PTPRN2: variants seen among roughly 807,000 people sequenced by gnomAD.
PTPRN2 encodes receptor-type tyrosine-protein phosphatase N2.
Under a neutral mutation model 118.8 loss-of-function variants are expected in PTPRN2, and 74 were observed. The observed-to-expected ratio is 0.62, with a 90% CI of 0.52 to 0.76. The LOEUF (loss-of-function observed/expected upper bound fraction) is 0.76, where lower values mean the gene tolerates loss of function less well. Among genes scored for constraint, PTPRN2 ranks in the 30% least tolerant of loss-of-function variants. The pLI, the probability that PTPRN2 is intolerant of heterozygous loss-of-function variation, is 0.00. For missense variants in PTPRN2, 1,481 were observed against 1,394.4 expected (o/e 1.06, Z -0.99); for synonymous variants, 641 against 608.0 (o/e 1.05, Z -0.80).
intron 11 of PTPRN2, among the ~76,000 whole-genome samples, chr7:157,914,054 A>G (rs1798240789): frequency 1.3e-5 from 2 of 152,242 alleles, no homozygotes; most frequent in Admixed American, 6.5e-5. Context: ...ATATATGGCC[A>G]TAAATTGTTC....
intron 12 of PTPRN2, among the ~76,000 whole-genome samples, chr7:157,797,588 G>A (rs1009234175): frequency 5.9e-5 from 9 of 152,158 alleles, no homozygotes; most frequent in East Asian, 1.9e-4. Context: ...GACGGGAGGC[G>A]GCCACAGGCT....
chr7:158,538,976 G>A (rs1210801294), intron 1 of PTPRN2, among the ~76,000 whole-genome samples: 3 of 152,186 alleles, frequency 2.0e-5, no homozygotes, highest in African/African-American at 7.2e-5. Context: ...GAACCCCCCA[G>A]GGCTCAGCTC....
At chr7:157,613,849 C>A (rs914216844) in intron 15 of PTPRN2, among the ~76,000 whole-genome samples, 1 of 152,200 alleles carries the variant, frequency 6.6e-6, no homozygotes, top group East Asian at 1.9e-4. Context: ...TGCGGCCCCC[C>A]CACAGTGTGC....
In PTPRN2 at chr7:158,015,985, G is replaced by A. The variant is rs1328552698; in HGVS notation, c.1723+65313C>T. ...TGTGGGGTCCCAGTGTGTCACCTGC[G>A]TGGCCTTTTCAGGTTCTGGGGGCCT... On this transcript the variant is annotated intron_variant, in intron 11 of 22. Transcript: ENST00000389418. The surrounding 1 kb of genome is among the most constrained non-coding windows in gnomAD (Gnocchi z 4.2). Among the ~76,000 whole-genome samples the A allele has an allele frequency of 1.3e-5, 2 of 152,164 alleles. No homozygotes were observed.
chr7:158,066,296 T>C (rs1810768977), intron 11 of PTPRN2, among the ~76,000 whole-genome samples: 1 of 152,236 alleles, frequency 6.6e-6, no homozygotes, highest in African/African-American at 2.4e-5. Context: ...AGGCCTTCTC[T>C]GCAAACAGCC....
chr7:158,070,967 CACGGTGGAGGTGCCCGTG>C (rs1563388708), intron 11 of PTPRN2, among the ~76,000 whole-genome samples: 6 of 37,098 alleles, frequency 1.6e-4, no homozygotes, highest in Non-Finnish European at 2.4e-4. Context: ...TGGAGGTGCT[CACGGTGGAGGTGCCCGTG>C]GTGGTGGAGG....
chr7:157,951,083 C>T (rs1041707047), intron 11 of PTPRN2, among the ~76,000 whole-genome samples: 8 of 152,160 alleles, frequency 5.3e-5, no homozygotes, highest in Non-Finnish European at 1.0e-4. Context: ...CTTGAGAGCA[C>T]GTACTCCTGG....
chr7:158,521,371 C>T (rs932915272), intron 1 of PTPRN2, among the ~76,000 whole-genome samples: 6 of 152,194 alleles, frequency 3.9e-5, no homozygotes, highest in Non-Finnish European at 8.8e-5. Context: ...TGTCTGGCTT[C>T]CCAACAGGGT....
chr7:158,481,898 C>G (rs76824453), intron 2 of PTPRN2, among the ~76,000 whole-genome samples: 2 of 152,148 alleles, frequency 1.3e-5, no homozygotes, highest in Non-Finnish European at 2.9e-5. Context: ...AGAACACTTG[C>G]GATTCATGGA....
At chr7:157,971,208 G>T (rs150623019) in intron 11 of PTPRN2, among the ~76,000 whole-genome samples, 2 of 152,230 alleles carry the variant, frequency 1.3e-5, no homozygotes, top group East Asian at 3.9e-4. Flanking sequence ...ATTTGTACTT[G>T]TACTGAATAT....
intron 21 of PTPRN2, among the ~76,000 whole-genome samples, chr7:157,562,054 G>A (rs1034987738): frequency 1.3e-5 from 2 of 151,532 alleles, no homozygotes; most frequent in Non-Finnish European, 3.0e-5. Flanking sequence ...GGAAGGGTGC[G>A]CCCCCCACGC....
chr7:157,953,830 C>T lies in PTPRN2; in HGVS notation c.1724-55093G>A, dbSNP rs117139992. ...CGAGAAAGGAATGAGGGCATAAGAGCGGTGCTGGAGAAATGTAAGCAAATC... is the reference window on the plus strand; with the variant it reads ...CGAGAAAGGAATGAGGGCATAAGAGTGGTGCTGGAGAAATGTAAGCAAATC... On this transcript the variant is annotated intron_variant, in intron 11 of 22. Transcript: ENST00000389418. The surrounding 1 kb of genome is among the most constrained non-coding windows in gnomAD (Gnocchi z 4.6). Among the ~76,000 whole-genome samples, 197 of 152,208 alleles carry T rather than the reference C, an allele frequency of 1.3e-3. 3 individuals carry two copies. The East Asian group carries it at 0.036, about 27-fold the overall frequency.
chr7:158,245,204 A>G (rs1428187591), intron 3 of PTPRN2, among the ~76,000 whole-genome samples: 1 of 99,382 alleles, frequency 1.0e-5, no homozygotes, highest in Admixed American at 9.2e-5. Context: ...TCATGCTGGA[A>G]TCCACGGTCA....
intron 7 of PTPRN2, among the ~76,000 whole-genome samples, chr7:158,137,863 G>A (rs140647930): frequency 1.1e-4 from 17 of 152,264 alleles, no homozygotes; most frequent in African/African-American, 2.6e-4. Context: ...GATGCCTGCC[G>A]GGGTAGTGGT....
chr7:158,534,063 C>T (rs560256117), intron 1 of PTPRN2, among the ~76,000 whole-genome samples: 50 of 147,686 alleles, frequency 3.4e-4, no homozygotes, highest in Admixed American at 3.4e-3. Context: ...GCCACCCATG[C>T]CCCGGGCTCC....
intron 12 of PTPRN2, among the ~76,000 whole-genome samples, chr7:157,770,733 C>T (rs1802751263): frequency 6.6e-6 from 1 of 152,202 alleles, no homozygotes; most frequent in South Asian, 2.1e-4. Context: ...GTTCAGCCAG[C>T]TCCAGACACA....
rs1227784574 is a variant in PTPRN2 at position 158,009,162 on chromosome 7, G to A, written c.1723+72136C>T. Among the ~76,000 whole-genome samples, 13 of 152,042 alleles carry A rather than the reference G, an allele frequency of 8.6e-5. No homozygotes were observed. In the East Asian group the frequency reaches 2.1e-3, roughly 25 times the overall value. ...CGACCCCCTCAGTGAACCTGCAAAGGTTCCCATGCACAAGGCGACGCTTCA... is the reference window on the plus strand; with the variant it reads ...CGACCCCCTCAGTGAACCTGCAAAGATTCCCATGCACAAGGCGACGCTTCA... On this transcript the variant is annotated intron_variant, in intron 11 of 22. Coordinates refer to ENST00000389418, the MANE Select transcript of PTPRN2 (RefSeq NM_002847.5).
chr7:158,351,144 C>T (rs776741813), intron 2 of PTPRN2, among the ~76,000 whole-genome samples: 12 of 152,140 alleles, frequency 7.9e-5, no homozygotes, highest in African/African-American at 2.2e-4. Context: ...AGGACCTCAC[C>T]GACGGCATCT....
chr7:158,364,935 C>T (rs1316754756), intron 2 of PTPRN2, among the ~76,000 whole-genome samples: 2 of 152,172 alleles, frequency 1.3e-5, no homozygotes, highest in Non-Finnish European at 2.9e-5. Context: ...GTTCACTACA[C>T]ACAACCACCC....
Sources: allele counts gnomAD v4.1 joint callset (sites outside exome capture counted in the v4.1 genomes callset), GRCh38; gene constraint gnomAD v4.1.1; non-coding constraint Gnocchi (gnomAD v3.1); transcripts MANE v1.5; gene names NCBI Gene and HGNC (gene_info 2026-07-23, HGNC 2026-07-21).